Variants in DENND1A observed in about 807,000 individuals in gnomAD.
DENND1A encodes DENN domain-containing protein 1A.
DENND1A carries 51 observed loss-of-function variants against 113.7 expected under a neutral mutation model. That is an observed-to-expected ratio of 0.45 (90% confidence interval 0.36 to 0.57). The LOEUF (loss-of-function observed/expected upper bound fraction) is 0.57, where lower values mean the gene tolerates loss of function less well. DENND1A is among the 20% of genes least tolerant of loss of function. DENND1A has a pLI of 0.00. For synonymous variants in DENND1A, 565 were observed against 570.8 expected (o/e 0.99, Z 0.14); for missense variants, 1,258 against 1,395.9 (o/e 0.90, Z 1.57).
intron 1 of DENND1A, among the ~76,000 whole-genome samples, chr9:123,918,163 C>T (rs1167672503): frequency 6.6e-6 from 1 of 151,170 alleles, no homozygotes; most frequent in Non-Finnish European, 1.5e-5. Flanking sequence ...TACTGGGATC[C>T]TGTTAAAAGG....
chr9:123,720,754 A>ACTTCCTGCTGC (rs1210865470), intron 5 of DENND1A, among the ~76,000 whole-genome samples: 1 of 152,206 alleles, frequency 6.6e-6, no homozygotes, highest in East Asian at 1.9e-4. Context: ...TCCAAGATTG[A>ACTTCCTGCTGC]CTTCCTGCTG....
chr9:123,458,790 C>T (rs865976928), intron 13 of DENND1A, among the ~76,000 whole-genome samples: 7 of 152,040 alleles, frequency 4.6e-5, no homozygotes, highest in Admixed American at 1.3e-4. Context: ...GCAGAAACCC[C>T]GTCTCTACTG....
chr9:123,788,204 C>A (rs930353650), intron 3 of DENND1A, among the ~76,000 whole-genome samples: 9 of 152,104 alleles, frequency 5.9e-5, no homozygotes, highest in Non-Finnish European at 1.3e-4. Flanking sequence ...CATATTATAA[C>A]TAATACATTT....
intron 11 of DENND1A, among the ~76,000 whole-genome samples, chr9:123,600,799 C>T (rs1407830283): frequency 6.6e-6 from 1 of 150,976 alleles, no homozygotes; most frequent in Non-Finnish European, 1.5e-5. Flanking sequence ...CCACTGCACT[C>T]TAGCCTGGGC....
At chr9:123,615,920 T>C (rs1482928632) in intron 10 of DENND1A, among the ~76,000 whole-genome samples, 1 of 152,186 alleles carries the variant, frequency 6.6e-6, no homozygotes, top group African/African-American at 2.4e-5. Flanking sequence ...TAATCCAATT[T>C]ACACCATCCA....
At chr9:123,506,473 T>C (rs73577307) in intron 13 of DENND1A, among the ~76,000 whole-genome samples, 45,385 of 147,044 alleles carry the variant, frequency 0.31, 6,861 homozygotes, top group South Asian at 0.38. Flanking sequence ...TCCCAGCTAC[T>C]TGGGAGGCTG....
At chr9:123,827,687 G>A (rs902996744) in intron 2 of DENND1A, among the ~76,000 whole-genome samples, 1 of 151,984 alleles carries the variant, frequency 6.6e-6, no homozygotes, top group Admixed American at 6.6e-5. Flanking sequence ...TTTTTTGTAG[G>A]GCCCACAGAA....
chr9:123,877,424 G>A lies in DENND1A; in HGVS notation c.88+1527C>T, dbSNP rs542335050. Among the ~76,000 whole-genome samples the A allele has an allele frequency of 1.3e-4, 20 of 152,090 alleles. No individual in the cohort carries two copies. In the South Asian group the frequency reaches 3.7e-3, roughly 28 times the overall value. Reference sequence around the variant, plus strand: ...GAATTGCTTGAATCCAGGAGGCGGAGGTTGCAGTGAGCCGAGATCATGCCA... The same window carrying A: ...GAATTGCTTGAATCCAGGAGGCGGAAGTTGCAGTGAGCCGAGATCATGCCA... On this transcript the variant is annotated intron_variant, in intron 2 of 23. Transcript: ENST00000394215.
At chr9:123,716,221 T>C (rs2066968008) in intron 5 of DENND1A, among the ~76,000 whole-genome samples, 1 of 152,212 alleles carries the variant, frequency 6.6e-6, no homozygotes. Context: ...GTTTTTCAGT[T>C]AGCATCTTCA....
rs188159776 is a variant in DENND1A at position 123,831,460 on chromosome 9, A to G, written c.89-38830T>C. ...ATTAACAAACCAATTCAAAAATTATATGAAACTACAAAGACCAATAATAAC... is the reference window on the plus strand; with the variant it reads ...ATTAACAAACCAATTCAAAAATTATGTGAAACTACAAAGACCAATAATAAC... On this transcript the variant is annotated intron_variant, in intron 2 of 23. Transcript: ENST00000394215. 8.5e-5 allele frequency among the ~76,000 whole-genome samples: 13 copies of G among 152,334 alleles called. No homozygotes were observed. In the South Asian group the frequency reaches 1.2e-3, roughly 15 times the overall value.
chr9:123,435,053 G>A (rs758208693), intron 19 of DENND1A, among the ~76,000 whole-genome samples: 3 of 152,204 alleles, frequency 2.0e-5, no homozygotes, highest in Non-Finnish European at 4.4e-5. Flanking sequence ...GCCAGCCTGT[G>A]TCATTCACTG....
intron 13 of DENND1A, among the ~76,000 whole-genome samples, chr9:123,476,772 C>T (rs997881222): frequency 1.3e-5 from 2 of 152,160 alleles, no homozygotes; most frequent in African/African-American, 4.8e-5. Flanking sequence ...ATTCTCGTAA[C>T]CACCCATGAG....
intron 13 of DENND1A, among the ~76,000 whole-genome samples, chr9:123,533,668 A>AG (rs2055507629): frequency 6.6e-6 from 1 of 152,170 alleles, no homozygotes; most frequent in Non-Finnish European, 1.5e-5. Flanking sequence ...GCCACTACAG[A>AG]GGGGGACCCA....
intron 19 of DENND1A, among the ~76,000 whole-genome samples, chr9:123,415,404 G>A (rs2044644163): frequency 6.6e-6 from 1 of 152,162 alleles, no homozygotes; most frequent in Admixed American, 6.5e-5. Context: ...AACTCCCAGG[G>A]GGTGCGCATT....
At chr9:123,581,837 T>C (rs535916149) in intron 12 of DENND1A, among the ~76,000 whole-genome samples, 2 of 152,222 alleles carry the variant, frequency 1.3e-5, no homozygotes, top group African/African-American at 2.4e-5. Context: ...GATAACTCTA[T>C]AGATCTTCTT....
chr9:123,585,723 G>A (rs1411198353), intron 11 of DENND1A, among the ~76,000 whole-genome samples: 1 of 152,164 alleles, frequency 6.6e-6, no homozygotes, highest in Non-Finnish European at 1.5e-5. Context: ...AATGGGGCTG[G>A]AGGTGAGATA....
intron 13 of DENND1A, among the ~76,000 whole-genome samples, chr9:123,546,811 C>T (rs1281042767): frequency 1.3e-5 from 2 of 152,200 alleles, no homozygotes; most frequent in African/African-American, 2.4e-5. Flanking sequence ...CCTAGAATTC[C>T]TCCAGGATGG....
At chr9:123,471,499 C>T (rs573952345) in intron 13 of DENND1A, among the ~76,000 whole-genome samples, 5 of 152,222 alleles carry the variant, frequency 3.3e-5, no homozygotes, top group Non-Finnish European at 5.9e-5. Flanking sequence ...GCATGTGACA[C>T]GCGCTACCTG....
At chr9:123,565,707 T>C (rs1265874099) in intron 12 of DENND1A, among the ~76,000 whole-genome samples, 1 of 152,172 alleles carries the variant, frequency 6.6e-6, no homozygotes, top group Non-Finnish European at 1.5e-5. Flanking sequence ...CACAAAAACA[T>C]TGGCTCCCTC....
Sources: gnomAD v4.1 joint callset for allele counts (sites outside exome capture counted in the v4.1 genomes callset) on GRCh38, gnomAD v4.1.1 for gene constraint, MANE v1.5 for transcripts, NCBI Gene and HGNC (gene_info 2026-07-23, HGNC 2026-07-21) for gene names.